TLL2: variants seen among roughly 807,000 people sequenced by gnomAD.
TLL2 encodes the protein tolloid like 2, also known as tolloid-like protein 2.
A neutral mutation model predicts 123.0 loss-of-function variants in TLL2; 106 were observed. The ratio of observed to expected loss-of-function variants is 0.86; its 90% CI spans 0.74 to 1.01. The LOEUF is 1.01. Ranked by LOEUF, TLL2 falls within the 50% of genes least tolerant of loss-of-function variation. TLL2 has a pLI of 0.00. For synonymous variants in TLL2, 494 were observed against 516.8 expected (o/e 0.96, Z 0.60); for missense variants, 1,332 against 1,336.7 (o/e 1.00, Z 0.06).
At chr10:96,510,805 T>C (rs1451608040) in intron 1 of TLL2, among the ~76,000 whole-genome samples, 4 of 152,180 alleles carry the variant, frequency 2.6e-5, no homozygotes, top group Non-Finnish European at 5.9e-5. Context: ...CATAGAACAC[T>C]GGATAGGAAG....
intron 8 of TLL2, among the ~76,000 whole-genome samples, chr10:96,412,641 C>T (rs1303580983): frequency 6.6e-6 from 1 of 152,148 alleles, no homozygotes; most frequent in Non-Finnish European, 1.5e-5. Flanking sequence ...AGACTCCTGG[C>T]CACTGACCAG....
chr10:96,422,680 G>T lies in TLL2; in HGVS notation c.686C>A (p.Ser229Tyr). The stretch of plus-strand genomic sequence containing the variant: ...AAACTTGTCACAGTTCTTCCCAATG[G>T]ATATGGCCTGTGGGCCTCCTCCTCG... Reference protein sequence around the residue: ...GRRGGGPQAISIGKNCDKFGI... With the variant: ...GRRGGGPQAIYIGKNCDKFGI... The change falls in exon 6 of 21, where the codon TCC becomes TAC. Residue 229 changes from serine (S) to tyrosine (Y), a missense_variant. Coordinates refer to ENST00000357947, the MANE Select transcript of TLL2 (RefSeq NM_012465.4). 6.2e-7 allele frequency: 1 copy of T among 1,614,204 alleles called. No homozygotes were observed.
At chr10:96,512,922 G>T (rs899993113) in intron 1 of TLL2, among the ~76,000 whole-genome samples, 5 of 152,198 alleles carry the variant, frequency 3.3e-5, no homozygotes, top group African/African-American at 9.7e-5. Flanking sequence ...ATCTCCGCCC[G>T]CCCAGAGCGA....
chr10:96,504,765 G>A (rs1847563042), intron 1 of TLL2, among the ~76,000 whole-genome samples: 1 of 152,224 alleles, frequency 6.6e-6, no homozygotes, highest in Non-Finnish European at 1.5e-5. Context: ...CCAGCACTTT[G>A]GGAGGCCGAA....
chr10:96,422,451 G>A (rs1846634060), intron 6 of TLL2, 98 bp downstream of exon 6: 1 of 1,394,692 alleles, frequency 7.2e-7, no homozygotes, highest in African/African-American at 1.4e-5. Context: ...AGTTAGCATT[G>A]CTCAGCTCCC....
intron 1 of TLL2, among the ~76,000 whole-genome samples, chr10:96,491,647 T>TA (rs1392049770): frequency 2.0e-5 from 3 of 152,214 alleles, no homozygotes; most frequent in Non-Finnish European, 4.4e-5. Flanking sequence ...TGTTATGTAA[T>TA]AAATTTGGAA....
At chr10:96,376,893 G>A in intron 17 of TLL2, 74 bp from the exon 18 acceptor site, 2 of 1,421,862 alleles carry the variant, frequency 1.4e-6, no homozygotes, top group East Asian at 2.7e-5. Context: ...ATTCTAGGGG[G>A]GTCTCCTCCC....
intron 17 of TLL2, 152 bp from the exon 18 acceptor site, chr10:96,376,971 T>G: frequency 7.6e-6 from 5 of 656,012 alleles, no homozygotes; most frequent in Non-Finnish European, 1.2e-5. Flanking sequence ...AGGTATCTCC[T>G]GGCTCAGGGA....
At chr10:96,425,308 G>A (rs1846668989) in intron 5 of TLL2, among the ~76,000 whole-genome samples, 1 of 130,772 alleles carries the variant, frequency 7.6e-6, no homozygotes, top group South Asian at 2.4e-4. Context: ...TTTCTACATG[G>A]TTGTTCCTCC....
At chr10:96,397,914 T>C (rs1396041774) in intron 10 of TLL2, among the ~76,000 whole-genome samples, 1 of 152,016 alleles carries the variant, frequency 6.6e-6, no homozygotes, top group Non-Finnish European at 1.5e-5. Context: ...AAGGACCCAT[T>C]CCCCATCTCA....
intron 2 of TLL2, among the ~76,000 whole-genome samples, chr10:96,472,750 C>CA (rs919573497): frequency 5.4e-5 from 8 of 148,680 alleles, no homozygotes; most frequent in African/African-American, 7.4e-5. Context: ...AATCCTGTCT[C>CA]AAAAAAAAGA....
intron 4 of TLL2, among the ~76,000 whole-genome samples, chr10:96,432,484 GGACTTTCTTCTAT>G (rs1846754352): frequency 6.6e-6 from 1 of 152,110 alleles, no homozygotes; most frequent in African/African-American, 2.4e-5. Context: ...AGTTGCTCAG[GGACTTTCTTCTAT>G]GCGGAGGGCT....
At chr10:96,479,880 C>A (rs1826664330) in intron 2 of TLL2, among the ~76,000 whole-genome samples, 1 of 152,218 alleles carries the variant, frequency 6.6e-6, no homozygotes, top group Non-Finnish European at 1.5e-5. Flanking sequence ...ACCTGAAGAG[C>A]CCTTTTTTCC....
intron 1 of TLL2, among the ~76,000 whole-genome samples, chr10:96,492,021 C>T (rs1019428710): frequency 2.6e-5 from 4 of 152,114 alleles, no homozygotes; most frequent in African/African-American, 9.7e-5. Context: ...CCTTGCAGGG[C>T]AAGGCTCATC....
chr10:96,378,976 A>G lies in TLL2; in HGVS notation c.2311T>C (p.Cys771Arg). ...GGAGGTCCAGCCTCACCCTCTTTGC[A>G]GTCATGCCCATTCTCGTGGAGCCAG... ...GYWLHENGHD[C>R]KEAGCAHKIS... Residue 771 changes from cysteine to arginine, a missense_variant, in exon 17 of 21, where the codon TGC becomes CGC. Physicochemically the swap from Cys to Arg is radical, Grantham distance 180. Coordinates refer to ENST00000357947, the MANE Select transcript of TLL2 (RefSeq NM_012465.4). 6.2e-7 allele frequency: 1 copy of G among 1,614,126 alleles called. No individual in the cohort carries two copies. The highest frequency in any genetic ancestry group is 8.5e-7 in the Non-Finnish European group (1 of 1,179,986).
chr10:96,373,607 A>G lies in TLL2; in HGVS notation c.2651T>C (p.Val884Ala). ...CCCACCCCAGGTACCTGTGCTGTGCACTGCCTGGAAGCCTTTCCTCTGCAC... is the reference window on the plus strand; with the variant it reads ...CCCACCCCAGGTACCTGTGCTGTGCGCTGCCTGGAAGCCTTTCCTCTGCAC... ...ASVQRKGFQAVHSTECGGRLK... is the reference protein window; with the variant it reads ...ASVQRKGFQAAHSTECGGRLK... The change falls in exon 19 of 21, where the codon GTG (valine) becomes GCG (alanine). Residue 884 changes from valine to alanine, a missense_variant. Transcript: ENST00000357947. The G allele has an allele frequency of 6.2e-7, 1 of 1,614,178 alleles. No homozygotes were observed. Among genetic ancestry groups the G allele is most frequent in the Non-Finnish European group, 8.5e-7 (1 of 1,180,020 alleles).
chr10:96,411,257 CAAAAAAAAAAAAAAAAA>C (rs56011735), intron 8 of TLL2, among the ~76,000 whole-genome samples: 27 of 95,162 alleles, frequency 2.8e-4, no homozygotes, highest in East Asian at 1.7e-3. Context: ...GACTCTGTCT[CAAAAAAAAAAAAAAAAA>C]AAAAAAAAAA....
chr10:96,372,344 T>C (rs1159508076), intron 19 of TLL2, among the ~76,000 whole-genome samples: 3 of 152,178 alleles, frequency 2.0e-5, no homozygotes, highest in Non-Finnish European at 4.4e-5. Context: ...CAGGGTCCCA[T>C]GATCGTGAGC....
intron 2 of TLL2, among the ~76,000 whole-genome samples, chr10:96,449,370 T>C (rs1247938697): frequency 6.6e-6 from 1 of 152,172 alleles, no homozygotes; most frequent in Non-Finnish European, 1.5e-5. Flanking sequence ...TACAAGGCAT[T>C]GCCCATCCAG....
Sources: gnomAD v4.1 joint callset for allele counts (sites outside exome capture counted in the v4.1 genomes callset) on GRCh38, gnomAD v4.1.1 for gene constraint, MANE v1.5 for transcripts, NCBI Gene and HGNC (gene_info 2026-07-23, HGNC 2026-07-21) for gene names.